CSGALNACT1: variants seen among roughly 807,000 people sequenced by gnomAD.
CSGALNACT1 encodes the protein chondroitin sulfate N-acetylgalactosaminyltransferase 1, also known as beta4GalNAcT-1.
A neutral mutation model predicts 51.0 loss-of-function variants in CSGALNACT1; 52 were observed. The ratio of observed to expected loss-of-function variants is 1.02; its 90% CI spans 0.82 to 1.29. The LOEUF is 1.29. Among genes scored for constraint, CSGALNACT1 ranks in the 50% most tolerant of loss-of-function variants. The probability of loss-of-function intolerance (pLI) is 0.00; values close to 1 mark genes in which losing one functional copy is unlikely to be tolerated. For synonymous variants in CSGALNACT1, 341 were observed against 254.4 expected (o/e 1.34, Z -3.24); for missense variants, 935 against 679.2 (o/e 1.38, Z -4.19).
At chr8:19,726,957 A>T (rs2063433179) in intron 1 of CSGALNACT1, among the ~76,000 whole-genome samples, 1 of 152,214 alleles carries the variant, frequency 6.6e-6, no homozygotes, top group Non-Finnish European at 1.5e-5. Flanking sequence ...AACCTTAGGA[A>T]CATCCTCATA....
intron 8 of CSGALNACT1, among the ~76,000 whole-genome samples, chr8:19,415,929 G>A (rs772719133): frequency 1.3e-5 from 2 of 152,130 alleles, no homozygotes; most frequent in Admixed American, 1.3e-4. Context: ...TAACACAATG[G>A]TATTTGTGTA....
At chr8:19,464,188 A>T (rs2066164276) in intron 4 of CSGALNACT1, among the ~76,000 whole-genome samples, 1 of 152,120 alleles carries the variant, frequency 6.6e-6, no homozygotes, top group African/African-American at 2.4e-5. Flanking sequence ...CTCCACATTC[A>T]TCCCTGCCTT....
At chr8:19,423,440 T>G (rs1240337404) in intron 6 of CSGALNACT1, among the ~76,000 whole-genome samples, 1 of 152,168 alleles carries the variant, frequency 6.6e-6, no homozygotes, top group Non-Finnish European at 1.5e-5. Context: ...TTTGGTGGTG[T>G]GCATGCTTAC....
chr8:19,442,083 G>C (rs1255952430), intron 5 of CSGALNACT1, among the ~76,000 whole-genome samples: 1 of 152,312 alleles, frequency 6.6e-6, no homozygotes, highest in Non-Finnish European at 1.5e-5. Context: ...TGCTGGAGAG[G>C]ATGTGGAGAA....
At chr8:19,621,378 TTTG>T (rs769635096) in intron 1 of CSGALNACT1, among the ~76,000 whole-genome samples, 9 of 152,306 alleles carry the variant, frequency 5.9e-5, no homozygotes, top group Non-Finnish European at 1.3e-4. Context: ...AACCAATTGA[TTTG>T]TTAATTTTTA....
At chr8:19,539,006 C>G (rs2084435315) in intron 3 of CSGALNACT1, among the ~76,000 whole-genome samples, 1 of 152,180 alleles carries the variant, frequency 6.6e-6, no homozygotes, top group South Asian at 2.1e-4. Context: ...GCTGGGCATA[C>G]AGGAGAAACT....
intron 1 of CSGALNACT1, among the ~76,000 whole-genome samples, chr8:19,662,074 A>ACCCCCCCCCCCCCCCC (rs1159242984): frequency 2.9e-5 from 1 of 35,016 alleles, no homozygotes; most frequent in Non-Finnish European, 5.4e-5. Flanking sequence ...ACCCCCCCCC[A>ACCCCCCCCCCCCCCCC]CCCCCCCCCC....
chr8:19,515,030 G>A (rs1461856871), intron 3 of CSGALNACT1, among the ~76,000 whole-genome samples: 1 of 151,910 alleles, frequency 6.6e-6, no homozygotes, highest in Non-Finnish European at 1.5e-5. Context: ...AGTGTCCTTG[G>A]GGCAGGGCTC....
chr8:19,572,081 C>T (rs2043168187), intron 3 of CSGALNACT1, among the ~76,000 whole-genome samples: 1 of 152,180 alleles, frequency 6.6e-6, no homozygotes, highest in African/African-American at 2.4e-5. Flanking sequence ...ATGTTGAGAA[C>T]AGCAAAGTCT....
chr8:19,595,616 T>C (rs1030774337), intron 2 of CSGALNACT1, among the ~76,000 whole-genome samples: 2 of 151,716 alleles, frequency 1.3e-5, no homozygotes, highest in Non-Finnish European at 2.9e-5. Context: ...ATATTTGTAA[T>C]GTTAAAAAAA....
intron 4 of CSGALNACT1, among the ~76,000 whole-genome samples, chr8:19,471,792 G>C (rs4292704): frequency 0.55 from 83,956 of 151,980 alleles, 24,308 homozygotes; most frequent in East Asian, 0.86. Flanking sequence ...GAAGAGATGG[G>C]GAAGAAACAG....
chr8:19,713,730 G>A (rs571174122), intron 1 of CSGALNACT1, among the ~76,000 whole-genome samples: 2 of 152,268 alleles, frequency 1.3e-5, no homozygotes, highest in South Asian at 4.1e-4. Flanking sequence ...GGGTTTCAGA[G>A]GGGATCTCGC....
intron 3 of CSGALNACT1, among the ~76,000 whole-genome samples, chr8:19,533,601 T>C (rs553401857): frequency 2.6e-5 from 4 of 152,288 alleles, no homozygotes; most frequent in Admixed American, 6.5e-5. Flanking sequence ...ATATAGAATA[T>C]TTTTGATCAT....
intron 3 of CSGALNACT1, among the ~76,000 whole-genome samples, chr8:19,512,349 T>C (rs897331313): frequency 6.6e-6 from 1 of 152,204 alleles, no homozygotes; most frequent in African/African-American, 2.4e-5. Context: ...ACCAGAGAGC[T>C]TGATTGCAAC....
chr8:19,716,648 C>T (rs1186189346), intron 1 of CSGALNACT1, among the ~76,000 whole-genome samples: 3 of 122,780 alleles, frequency 2.4e-5, no homozygotes, highest in African/African-American at 8.5e-5. Flanking sequence ...AAAAATTAGC[C>T]AGATGAGGTG....
In CSGALNACT1 at chr8:19,722,833, G is replaced by A. The variant is rs144895740; in HGVS notation, c.-297+35017C>T. Among the ~76,000 whole-genome samples, 21 of 152,292 alleles carry A rather than the reference G, an allele frequency of 1.4e-4. No individual in the cohort carries two copies. The East Asian group carries it at 4.0e-3, about 29-fold the overall frequency. On this transcript the variant is annotated intron_variant, in intron 1 of 1. Transcript: ENST00000517494. ...GTTGGGGACCAGTATATTCTCCCCA[G>A]GTAGCAAGATCTGCAACAGGTAAAG...
At chr8:19,701,268 G>T (rs2061864186) in intron 1 of CSGALNACT1, among the ~76,000 whole-genome samples, 2 of 144,476 alleles carry the variant, frequency 1.4e-5, no homozygotes, top group Admixed American at 7.3e-5. Flanking sequence ...TAATTCTCGT[G>T]CCTCAGCCTC....
chr8:19,614,037 T>G (rs1172653691), intron 1 of CSGALNACT1, among the ~76,000 whole-genome samples: 2 of 152,192 alleles, frequency 1.3e-5, no homozygotes, highest in Non-Finnish European at 2.9e-5. Context: ...CAAGTTTCAT[T>G]GTTGTGGAAG....
chr8:19,749,359 A>G (rs1045296957), intron 1 of CSGALNACT1, among the ~76,000 whole-genome samples: 2 of 151,902 alleles, frequency 1.3e-5, no homozygotes, highest in African/African-American at 4.8e-5. Flanking sequence ...TTGGCTTTAA[A>G]AAAAAAAGCC....
Sources: allele counts gnomAD v4.1 joint callset (sites outside exome capture counted in the v4.1 genomes callset), GRCh38; gene constraint gnomAD v4.1.1; transcripts MANE v1.5; gene names NCBI Gene and HGNC (gene_info 2026-07-23, HGNC 2026-07-21).